The following MARK3 variants were observed in gnomAD, a reference collection of about 807,000 sequenced individuals.
The protein encoded by MARK3 is MAP/microtubule affinity-regulating kinase 3.
In MARK3, 46 loss-of-function variants were observed where a neutral mutation model predicts 90.1. The observed-to-expected ratio is 0.51, with a 90% CI of 0.40 to 0.65. The LOEUF is 0.65. MARK3 is among the 30% of genes least tolerant of loss of function. The probability of loss-of-function intolerance (pLI) is 0.00; values close to 1 mark genes in which losing one functional copy is unlikely to be tolerated. For synonymous variants in MARK3, 321 were observed against 332.6 expected (o/e 0.97, Z 0.38); for missense variants, 818 against 947.2 (o/e 0.86, Z 1.79).
At chr14:103,461,706 C>A (rs950969144) in intron 6 of MARK3, among the ~76,000 whole-genome samples, 1 of 152,084 alleles carries the variant, frequency 6.6e-6, no homozygotes, top group African/African-American at 2.4e-5. Flanking sequence ...ACTCTCTAAC[C>A]GCTGGTTTGG....
intron 13 of MARK3, among the ~76,000 whole-genome samples, chr14:103,478,966 G>A (rs1228678515): frequency 6.6e-6 from 1 of 152,160 alleles, no homozygotes; most frequent in Non-Finnish European, 1.5e-5. Flanking sequence ...AATGAATAAT[G>A]CTACTATAAA....
intron 3 of MARK3, among the ~76,000 whole-genome samples, chr14:103,444,871 G>T (rs1032923315): frequency 1.3e-5 from 2 of 151,968 alleles, no homozygotes; most frequent in African/African-American, 4.8e-5. Context: ...GTCCTTATAG[G>T]GACTTTCCTT....
chr14:103,498,841 A>G (rs1225579909), intron 16 of MARK3: 1 of 180,036 alleles, frequency 5.6e-6, no homozygotes, highest in Non-Finnish European at 1.1e-5. Context: ...CTCCTGTTTG[A>G]AGAATGAGAT....
At chr14:103,391,385 A>G (rs1271297993) in intron 1 of MARK3, among the ~76,000 whole-genome samples, 1 of 152,198 alleles carries the variant, frequency 6.6e-6, no homozygotes, top group Non-Finnish European at 1.5e-5. Context: ...TTTAGAAGAG[A>G]TAAAGCCTGT....
chr14:103,430,207 G>C (rs1479363439), intron 3 of MARK3, among the ~76,000 whole-genome samples: 1 of 152,078 alleles, frequency 6.6e-6, no homozygotes, highest in East Asian at 1.9e-4. Flanking sequence ...TCTAAAGCCA[G>C]CTCTATCCCA....
intron 10 of MARK3, 110 bp downstream of exon 10, chr14:103,466,552 A>G (rs1357517618): frequency 1.5e-6 from 1 of 663,404 alleles, no homozygotes; most frequent in Non-Finnish European, 2.6e-6. Flanking sequence ...AGCACAAGTC[A>G]TATGAACAGT....
At chr14:103,499,955 C>T in intron 16 of MARK3, 1 of 600,618 alleles carries the variant, frequency 1.7e-6, no homozygotes, top group Non-Finnish European at 3.0e-6. Context: ...CCTGTGCACA[C>T]CCCTGCAGCC....
At chr14:103,407,942 A>G (rs1355867624) in intron 2 of MARK3, among the ~76,000 whole-genome samples, 1 of 151,986 alleles carries the variant, frequency 6.6e-6, no homozygotes, top group Non-Finnish European at 1.5e-5. Context: ...TTTAGGGAAC[A>G]TTTCTGAGAA....
intron 13 of MARK3, among the ~76,000 whole-genome samples, chr14:103,476,527 A>G (rs1371709735): frequency 6.6e-6 from 1 of 152,110 alleles, no homozygotes; most frequent in Non-Finnish European, 1.5e-5. Context: ...ACTAAATTAA[A>G]TTGAATCCAT....
chr14:103,493,782 G>C (rs1009107888), intron 15 of MARK3, among the ~76,000 whole-genome samples: 1 of 151,286 alleles, frequency 6.6e-6, no homozygotes, highest in Non-Finnish European at 1.5e-5. Flanking sequence ...GGCTGAGACA[G>C]GAGAATTGCT....
In MARK3 at chr14:103,385,618, T is replaced by G; in HGVS notation, c.-412T>G. 3 of 161,202 alleles carry G rather than the reference T, an allele frequency of 1.9e-5. No homozygotes were observed. Among genetic ancestry groups the G allele is most frequent in the Non-Finnish European group, 4.0e-5 (3 of 74,300 alleles). 10.0% of individuals were successfully genotyped at this position (161,202 alleles called of 1,614,324 possible). A position where few individuals can be genotyped will look rare whatever the true frequency, so the allele number is the denominator to read the frequency against. On this transcript the variant is annotated 5_prime_UTR_variant, in exon 1 of 18. Coordinates refer to ENST00000429436, the MANE Select transcript of MARK3 (RefSeq NM_001128918.3). ...CTTCACATCCTCCTCCGCCTCCTCG[T>G]TTTCAGGCGCCGCCGGCGGCGCTGT... is the stretch of plus-strand genomic sequence containing the variant.
In MARK3 at chr14:103,474,868, A is replaced by AT. The variant is rs551478830; in HGVS notation, c.1265-121dup. 5.9e-4 allele frequency: 400 copies of AT among 679,108 alleles called. 6 individuals carry two copies. In the East Asian group the frequency reaches 6.0e-3, roughly 10 times the overall value. 42.1% of individuals were successfully genotyped at this position (679,108 alleles called of 1,614,324 possible). On this transcript the variant is annotated intron_variant, in intron 12 of 17. Coordinates refer to ENST00000429436, the MANE Select transcript of MARK3 (RefSeq NM_001128918.3). ...ATATAAGTGGGAAACATCTTAGAGGATTTTACTGTTTTACATTTTTTAGGT... is the reference window on the plus strand; with the variant it reads ...ATATAAGTGGGAAACATCTTAGAGGATTTTTACTGTTTTACATTTTTTAGGT...
intron 12 of MARK3, among the ~76,000 whole-genome samples, chr14:103,472,151 A>G (rs1472613862): frequency 6.8e-6 from 1 of 147,982 alleles, no homozygotes; most frequent in East Asian, 2.0e-4. Flanking sequence ...CGGAGCTTGC[A>G]GTGAGCCGAG....
intron 11 of MARK3, 137 bp from the exon 12 acceptor site, chr14:103,467,896 C>T: frequency 1.3e-6 from 1 of 776,222 alleles, no homozygotes; most frequent in Non-Finnish European, 2.0e-6. Flanking sequence ...TTAGGGTTGT[C>T]ATTTTTGTAC....
At chr14:103,386,206 C>A (rs1290306792) in intron 1 of MARK3, 126 bp downstream of exon 1, 1 of 926,448 alleles carries the variant, frequency 1.1e-6, no homozygotes, top group Admixed American at 1.8e-5. Context: ...GCCGTAGTCA[C>A]CCAGGAGGCA....
chr14:103,466,325 A>G lies in MARK3; in HGVS notation c.898-18A>G, dbSNP rs772440108. 4.5e-6 allele frequency: 7 copies of G among 1,558,860 alleles called. No homozygotes were observed. The East Asian group carries it at 1.6e-4, about 35-fold the overall frequency. ...ATATTTCATTTTACTCTGCTAATGA[A>G]CAGTTTACCTTTTTTAGCAAATCAT... On this transcript the variant is annotated intron_variant, in intron 9 of 17. Coordinates refer to ENST00000429436, the MANE Select transcript of MARK3 (RefSeq NM_001128918.3).
chr14:103,446,710 C>CTTTTTTTTT (rs746523547), intron 3 of MARK3, among the ~76,000 whole-genome samples: 20 of 98,048 alleles, frequency 2.0e-4, no homozygotes, highest in African/African-American at 6.9e-4. Context: ...AGATTGTTGT[C>CTTTTTTTTT]TTTTTTTTTT....
At position 103,416,876 on chromosome 14, in the gene MARK3, A is replaced by G. The variant is rs573992375; in HGVS notation, c.244-11511A>G. On this transcript the variant is annotated intron_variant, in intron 2 of 17. Coordinates refer to ENST00000429436, the MANE Select transcript of MARK3 (RefSeq NM_001128918.3). ...CTTATGGTAGTAGGAGCTTGTAGAA[A>G]TTTTCTGAGTGCAAACTGTTTTTTC... 2.0e-5 allele frequency among the ~76,000 whole-genome samples: 3 copies of G among 152,286 alleles called. No individual in the cohort carries two copies. In the South Asian group the frequency reaches 6.2e-4, roughly 32 times the overall value.
intron 14 of MARK3, among the ~76,000 whole-genome samples, chr14:103,488,680 C>A (rs1003140359): frequency 5.3e-5 from 8 of 152,030 alleles, no homozygotes; most frequent in Admixed American, 2.6e-4. Context: ...CATAGTGAGA[C>A]ACCATCTCTA....
Sources: allele counts gnomAD v4.1 joint callset (sites outside exome capture counted in the v4.1 genomes callset), GRCh38; gene constraint gnomAD v4.1.1; transcripts MANE v1.5; gene names NCBI Gene and HGNC (gene_info 2026-07-23, HGNC 2026-07-21).